The following NHS variants were observed in gnomAD, a reference collection of about 807,000 sequenced individuals.
NHS encodes the protein NHS actin remodeling regulator, also known as actin remodeling regulator NHS.
In NHS, 5 loss-of-function variants were observed where a neutral mutation model predicts 72.5. That is an observed-to-expected ratio of 0.07 (90% CI 0.04 to 0.14). NHS has a LOEUF of 0.14. NHS is among the 10% of genes least tolerant of loss of function. NHS has a pLI of 1.00. For missense variants in NHS, 1,072 were observed against 1,355.7 expected (o/e 0.79, Z 3.29); for synonymous variants, 464 against 547.7 (o/e 0.85, Z 2.13).
chrX:17,581,792 C>T (rs1327069777), intron 1 of NHS, among the ~76,000 whole-genome samples: 2 of 111,528 alleles, frequency 1.8e-5, no homozygotes, highest in Admixed American at 9.6e-5. Context: ...AGATCTCCTG[C>T]GAACGTTTGG....
At chrX:17,593,628 G>A (rs1317646265) in intron 1 of NHS, among the ~76,000 whole-genome samples, 2 of 111,415 alleles carry the variant, frequency 1.8e-5, no homozygotes, top group Non-Finnish European at 3.8e-5. Flanking sequence ...AAGAATAAAC[G>A]ACTTATCAGT....
chrX:17,656,330 G>A (rs901740256), intron 1 of NHS, among the ~76,000 whole-genome samples: 4 of 113,548 alleles, frequency 3.5e-5, no homozygotes, highest in African/African-American at 9.6e-5. Flanking sequence ...GCAACCCTCC[G>A]GGATGCTCCG....
At chrX:17,649,952 C>T (rs2065923068) in intron 1 of NHS, among the ~76,000 whole-genome samples, 1 of 112,080 alleles carries the variant, frequency 8.9e-6, no homozygotes, top group East Asian at 2.8e-4. Flanking sequence ...AGAAGTAAAG[C>T]TCCACCACAT....
At chrX:17,550,479 T>C (rs1333495458) in intron 1 of NHS, among the ~76,000 whole-genome samples, 1 of 112,247 alleles carries the variant, frequency 8.9e-6, no homozygotes, top group Non-Finnish European at 1.9e-5. Context: ...GGGGTGGCCA[T>C]TGGACACCAA....
At chrX:17,600,753 G>A (rs1415537679) in intron 1 of NHS, among the ~76,000 whole-genome samples, 2 of 110,936 alleles carry the variant, frequency 1.8e-5, no homozygotes, top group Non-Finnish European at 3.8e-5. Flanking sequence ...GGGAGGAAAG[G>A]AAGGAGGAAA....
chrX:17,695,942 A>AGGG (rs558791023), intron 3 of NHS, among the ~76,000 whole-genome samples: 1 of 93,127 alleles, frequency 1.1e-5, no homozygotes, highest in Non-Finnish European at 2.1e-5. Flanking sequence ...AAAAAAAAAA[A>AGGG]GGGGGGGGGT....
intron 1 of NHS, among the ~76,000 whole-genome samples, chrX:17,511,619 G>A (rs2065088671): frequency 8.9e-6 from 1 of 112,095 alleles, no homozygotes; most frequent in Non-Finnish European, 1.9e-5. Context: ...CTAGTGCCAG[G>A]CAAGCTTGGA....
At chrX:17,408,905 G>A (rs750987563) in intron 1 of NHS, among the ~76,000 whole-genome samples, 4 of 111,020 alleles carry the variant, frequency 3.6e-5, no homozygotes, top group East Asian at 5.7e-4. Flanking sequence ...CTGCGTTCTT[G>A]CTGTATCCTC....
At chrX:17,605,451 TG>T (rs1362982510) in intron 1 of NHS, among the ~76,000 whole-genome samples, 1 of 111,367 alleles carries the variant, frequency 9.0e-6, no homozygotes, top group Non-Finnish European at 1.9e-5. Flanking sequence ...AACAAGCCAG[TG>T]GGTAGCTTCG....
intron 1 of NHS, among the ~76,000 whole-genome samples, chrX:17,488,986 C>T (rs762513793): frequency 4.9e-4 from 54 of 111,108 alleles, no homozygotes; most frequent in Non-Finnish European, 7.9e-4. Flanking sequence ...GTTCCCCTCC[C>T]TGTGTTCATG....
chrX:17,626,917 A>G (rs1418609604), intron 1 of NHS, among the ~76,000 whole-genome samples: 1 of 112,237 alleles, frequency 8.9e-6, no homozygotes, highest in Admixed American at 9.5e-5. Context: ...ATTTGACACA[A>G]TGGGGATCTC....
At chrX:17,396,862 A>T (rs922499400) in intron 1 of NHS, among the ~76,000 whole-genome samples, 1 of 111,546 alleles carries the variant, frequency 9.0e-6, no homozygotes, top group Non-Finnish European at 1.9e-5. Context: ...GCATCCATAC[A>T]TATTGCTTTA....
intron 1 of NHS, among the ~76,000 whole-genome samples, chrX:17,406,234 A>G (rs765346380): frequency 9.0e-6 from 1 of 111,588 alleles, no homozygotes; most frequent in Non-Finnish European, 1.9e-5. Flanking sequence ...AGCTCAGACG[A>G]CTTTCCCAAG....
chrX:17,457,781 G>A (rs752977463), intron 1 of NHS, among the ~76,000 whole-genome samples: 2 of 111,414 alleles, frequency 1.8e-5, no homozygotes, highest in East Asian at 5.7e-4. Context: ...CAGACTCTCA[G>A]CTTTATGAGG....
chrX:17,557,740 T>C (rs1320646483), intron 1 of NHS, among the ~76,000 whole-genome samples: 1 of 111,342 alleles, frequency 9.0e-6, no homozygotes, highest in Admixed American at 9.5e-5. Context: ...AGCTTGCTCA[T>C]ATAGCTGTTG....
rs755705857 is a variant in NHS, at chrX:17,542,386, T to C, written c.566-145356T>C. On this transcript the variant is annotated intron_variant, in intron 1 of 8. Coordinates refer to ENST00000676302, the MANE Select transcript of NHS (RefSeq NM_001291867.2). ...ACTGCCTGGCACTGGTGCTTATTCC[T>C]TCCTGGCATTGGCCCATGCCAGCAG... Among the ~76,000 whole-genome samples the C allele has an allele frequency of 9.7e-5, 11 of 113,541 alleles. No homozygotes were observed. In the East Asian group the frequency reaches 1.1e-3, roughly 12 times the overall value.
In NHS at chrX:17,726,923, T is replaced by A; in HGVS notation, c.2817T>A (p.Val939=). The part of the protein sequence containing the change: ...ASDIPPFKDE[V]AESTHYADLW... ...ATATTCCACCATTCAAAGATGAAGT[T>A]GCCGAATCCACACACTATGCAGACC... Residue 939 remains valine, a synonymous_variant, in exon 7 of 9, where the codon GTT becomes GTA. Transcript: ENST00000676302. 1.7e-6 allele frequency: 2 copies of A among 1,211,484 alleles called. No individual in the cohort carries two copies. Among genetic ancestry groups the A allele is most frequent in the Non-Finnish European group, 2.2e-6 (2 of 895,417 alleles).
intron 1 of NHS, among the ~76,000 whole-genome samples, chrX:17,460,192 A>G (rs190966358): frequency 0.023 from 2,616 of 112,421 alleles, 80 homozygotes; most frequent in African/African-American, 0.079. Context: ...TGCCTGTTTT[A>G]GGTCAGGCAC....
intron 8 of NHS, among the ~76,000 whole-genome samples, chrX:17,729,432 T>C (rs1321186821): frequency 8.9e-6 from 1 of 112,650 alleles, no homozygotes; most frequent in Non-Finnish European, 1.9e-5. Flanking sequence ...ACAATACGTG[T>C]TCCTGTCCAT....
Sources: allele counts gnomAD v4.1 joint callset (sites outside exome capture counted in the v4.1 genomes callset), GRCh38; gene constraint gnomAD v4.1.1; transcripts MANE v1.5; gene names NCBI Gene and HGNC (gene_info 2026-07-23, HGNC 2026-07-21).